The following GOLM1 variants were observed in gnomAD, a reference collection of about 807,000 sequenced individuals.
GOLM1 encodes golgi membrane protein 1.
A neutral mutation model predicts 50.5 loss-of-function variants in GOLM1; 31 were observed. The ratio of observed to expected loss-of-function variants is 0.61; its 90% confidence interval spans 0.46 to 0.83. The LOEUF (loss-of-function observed/expected upper bound fraction) is 0.83. Ranked by LOEUF, GOLM1 falls within the 40% of genes least tolerant of loss-of-function variation. The pLI, the probability that GOLM1 is intolerant of heterozygous loss-of-function variation, is 0.00. For missense variants in GOLM1, 491 were observed against 501.3 expected, an observed-to-expected ratio of 0.98 and a Z score of 0.20; for synonymous variants, 178 against 192.8, an observed-to-expected ratio of 0.92 and a Z score of 0.64.
At chr9:86,069,442 G>A (rs538339142) in intron 3 of GOLM1, among the ~76,000 whole-genome samples, 5 of 152,240 alleles carry the variant, frequency 3.3e-5, no homozygotes, top group Admixed American at 3.3e-4. Context: ...GCAACAGACA[G>A]GGAGGCAAAA....
At chr9:86,094,264 G>GACAGAC (rs564491200) in intron 1 of GOLM1, among the ~76,000 whole-genome samples, 1 of 152,202 alleles carries the variant, frequency 6.6e-6, no homozygotes, top group Admixed American at 6.5e-5. Flanking sequence ...CAGAGACAGA[G>GACAGAC]ACTCACAGAC....
intron 6 of GOLM1, among the ~76,000 whole-genome samples, chr9:86,037,676 G>A (rs1833191119): frequency 6.6e-6 from 1 of 152,160 alleles, no homozygotes; most frequent in Non-Finnish European, 1.5e-5. Context: ...ATCCATAGGA[G>A]AGGTGAGGAC....
intron 3 of GOLM1, among the ~76,000 whole-genome samples, chr9:86,053,395 A>AC (rs1833842248): frequency 8.9e-6 from 1 of 111,958 alleles, no homozygotes; most frequent in Non-Finnish European, 1.8e-5. Flanking sequence ...ACCACACATC[A>AC]GTCCACACCA....
chr9:86,082,381 C>CTTT (rs35328152), intron 1 of GOLM1, among the ~76,000 whole-genome samples: 2 of 141,326 alleles, frequency 1.4e-5, no homozygotes, highest in Non-Finnish European at 3.0e-5. Flanking sequence ...CTTTTCTTTC[C>CTTT]TTTTTTTTTT....
upstream of GOLM1, chr9:86,100,027 A>C (rs1835490869): frequency 2.0e-5 from 3 of 152,208 alleles, no homozygotes; most frequent in Admixed American, 2.0e-4. Context: ...ATACTCACAA[A>C]ATTGTCTTTT....
chr9:86,071,281 A>G (rs1328900803), intron 3 of GOLM1, among the ~76,000 whole-genome samples: 1 of 152,130 alleles, frequency 6.6e-6, no homozygotes, highest in East Asian at 1.9e-4. Context: ...AATTTTCTGT[A>G]GAGACAGGGT....
chr9:86,045,674 G>GAA (rs1174542328), intron 5 of GOLM1, among the ~76,000 whole-genome samples: 10 of 94,310 alleles, frequency 1.1e-4, no homozygotes, highest in East Asian at 4.9e-4. Flanking sequence ...CTCCGCTCAA[G>GAA]AAAAAAAAAA....
chr9:86,096,581 C>A (rs1480638150), intron 1 of GOLM1, among the ~76,000 whole-genome samples: 1 of 152,146 alleles, frequency 6.6e-6, no homozygotes, highest in Non-Finnish European at 1.5e-5. Flanking sequence ...AGCAAAATAC[C>A]GTGGCTGGCA....
At chr9:86,043,331 G>A (rs1007810655) in intron 5 of GOLM1, among the ~76,000 whole-genome samples, 2 of 152,162 alleles carry the variant, frequency 1.3e-5, no homozygotes, top group African/African-American at 4.8e-5. Context: ...CAAACGGAAA[G>A]AACACTACCT....
intron 5 of GOLM1, among the ~76,000 whole-genome samples, chr9:86,044,604 C>T (rs1003829350): frequency 6.6e-6 from 1 of 152,034 alleles, no homozygotes; most frequent in Non-Finnish European, 1.5e-5. Context: ...AGGAGCTATA[C>T]GGATGTTTTA....
At chr9:86,033,453 C>T (rs1833043166) in intron 8 of GOLM1, 58 bp from the exon 9 acceptor site, 3 of 1,046,414 alleles carry the variant, frequency 2.9e-6, no homozygotes, top group African/African-American at 1.6e-5. Flanking sequence ...TGTCACAGGA[C>T]TATCAGAGCA....
chr9:86,077,922 C>T (rs755466312), intron 2 of GOLM1: 2 of 277,534 alleles, frequency 7.2e-6, no homozygotes, highest in East Asian at 1.3e-4. Flanking sequence ...AGTTCTTCTT[C>T]GCTGCTAACA....
chr9:86,040,138 A>G (rs372844370), intron 6 of GOLM1, among the ~76,000 whole-genome samples: 38 of 152,316 alleles, frequency 2.5e-4, no homozygotes, highest in African/African-American at 7.2e-4. Context: ...TTTTGTGCCA[A>G]TAAAAATGTT....
intron 1 of GOLM1, chr9:86,084,905 G>A (rs11141217): frequency 0.24 from 36,685 of 151,952 alleles, 7,527 homozygotes; most frequent in African/African-American, 0.54. Flanking sequence ...AGAAGTAGCC[G>A]GGGGTGGTGC....
intron 3 of GOLM1, among the ~76,000 whole-genome samples, chr9:86,058,913 G>C (rs1164184128): frequency 6.6e-6 from 1 of 151,916 alleles, no homozygotes; most frequent in African/African-American, 2.4e-5. Context: ...AGGGAGAATC[G>C]CTTGAATCCA....
intron 1 of GOLM1, among the ~76,000 whole-genome samples, chr9:86,089,832 G>C (rs1288526943): frequency 6.6e-6 from 1 of 152,138 alleles, no homozygotes; most frequent in Non-Finnish European, 1.5e-5. Context: ...GAGGAGAAGA[G>C]GCATTCTGGT....
intron 3 of GOLM1, among the ~76,000 whole-genome samples, chr9:86,062,502 G>C (rs917783543): frequency 1.3e-5 from 2 of 151,462 alleles, no homozygotes; most frequent in African/African-American, 4.9e-5. Flanking sequence ...GGAGGAAGAG[G>C]AGGAGGGAGA....
chr9:86,062,302 T>C (rs1218718642), intron 3 of GOLM1, among the ~76,000 whole-genome samples: 2 of 152,174 alleles, frequency 1.3e-5, no homozygotes, highest in African/African-American at 2.4e-5. Context: ...ACAGGGTTGA[T>C]GGCGAGGGGG....
rs147627108 is a variant in GOLM1, at chr9:86,036,874, G to A, written c.598-367C>T. ...ATCTGCAGAACCCTCAGCCTAGCAA[G>A]GGCAAACACACCTGCTTCTCAGGCA... is the stretch of plus-strand genomic sequence containing the variant. On this transcript the variant is annotated intron_variant, in intron 6 of 9. Transcript: ENST00000388712. The A allele has an allele frequency of 1.0e-3, 215 of 205,694 alleles. 1 individual carries two copies. The highest frequency in any genetic ancestry group is 4.6e-3 in the African/African-American group (198 of 42,908). 12.7% of individuals were successfully genotyped at this position (205,694 alleles called of 1,614,324 possible). A position where few individuals can be genotyped will look rare whatever the true frequency, so the allele number is the denominator to read the frequency against.
Sources: gnomAD v4.1 joint callset for allele counts (sites outside exome capture counted in the v4.1 genomes callset) on GRCh38, gnomAD v4.1.1 for gene constraint, MANE v1.5 for transcripts, NCBI Gene and HGNC (gene_info 2026-07-23, HGNC 2026-07-21) for gene names.